The following TMEM132D variants were observed in gnomAD, a reference collection of about 807,000 sequenced individuals.
The protein encoded by TMEM132D is mature OL transmembrane protein.
In TMEM132D, 21 loss-of-function variants were observed where a neutral mutation model predicts 62.3. The ratio of observed to expected loss-of-function variants is 0.34; its 90% CI spans 0.24 to 0.49. The LOEUF (loss-of-function observed/expected upper bound fraction) is 0.49. Among genes scored for constraint, TMEM132D ranks in the 20% least tolerant of loss-of-function variants. The pLI is 0.99. For missense variants in TMEM132D, 1,346 were observed against 1,402.8 expected (o/e 0.96, Z 0.65); for synonymous variants, 621 against 575.6 (o/e 1.08, Z -1.13).
intron 3 of TMEM132D, among the ~76,000 whole-genome samples, chr12:129,506,234 CTCACCATTTGTTTG>C (rs1196813623): frequency 6.6e-6 from 1 of 152,164 alleles, no homozygotes; most frequent in African/African-American, 2.4e-5. Flanking sequence ...AGCAAATTCT[CTCACCATTTGTTTG>C]TCTAGAATCA....
At chr12:129,101,292 C>T (rs1045373006) in intron 5 of TMEM132D, among the ~76,000 whole-genome samples, 1 of 152,184 alleles carries the variant, frequency 6.6e-6, no homozygotes, top group South Asian at 2.1e-4. Flanking sequence ...GTCGATTTGC[C>T]AATTCCTGTA....
chr12:129,107,216 A>C (rs1875529334), intron 5 of TMEM132D, among the ~76,000 whole-genome samples: 1 of 152,216 alleles, frequency 6.6e-6, no homozygotes, highest in South Asian at 2.1e-4. Flanking sequence ...AAAGTTTCTG[A>C]AACCAGTGGT....
In TMEM132D at chr12:129,172,009, T is replaced by C. The variant is rs527817466; in HGVS notation, c.1443+37511A>G. On this transcript the variant is annotated intron_variant, in intron 5 of 8. Coordinates refer to ENST00000422113, the MANE Select transcript of TMEM132D (RefSeq NM_133448.3). ...GGCACTGACTTCTTCTCTCCAGCTA[T>C]GAAAGCACTAGATGACATCTTCTTT... Among the ~76,000 whole-genome samples the C allele has an allele frequency of 7.9e-5, 12 of 152,372 alleles. No individual in the cohort carries two copies. In the South Asian group the frequency reaches 1.2e-3, roughly 16 times the overall value.
chr12:129,158,087 T>C (rs1877296433), intron 5 of TMEM132D, among the ~76,000 whole-genome samples: 2 of 152,074 alleles, frequency 1.3e-5, no homozygotes, highest in African/African-American at 4.8e-5. Flanking sequence ...GGAGAGTGGT[T>C]TGGGAAGGGT....
chr12:129,509,491 T>C (rs574910193), intron 3 of TMEM132D, among the ~76,000 whole-genome samples: 15 of 152,148 alleles, frequency 9.9e-5, no homozygotes, highest in Non-Finnish European at 2.1e-4. Flanking sequence ...AATTATATTC[T>C]TTTAGTTATT....
chr12:129,119,518 G>A (rs1875995557), intron 5 of TMEM132D, among the ~76,000 whole-genome samples: 1 of 152,186 alleles, frequency 6.6e-6, no homozygotes, highest in Non-Finnish European at 1.5e-5. Context: ...AGGAAATGGT[G>A]TTTCTTGACC....
intron 5 of TMEM132D, among the ~76,000 whole-genome samples, chr12:129,103,324 T>C (rs556817800): frequency 1.3e-5 from 2 of 152,260 alleles, no homozygotes; most frequent in African/African-American, 4.8e-5. Context: ...GTTCACAGTG[T>C]CTCCAGCACT....
At chr12:129,880,636 G>T (rs1324441338) in intron 1 of TMEM132D, among the ~76,000 whole-genome samples, 1 of 152,140 alleles carries the variant, frequency 6.6e-6, no homozygotes, top group Admixed American at 6.6e-5. Context: ...CACCACACGC[G>T]AAGTAGTAAT....
chr12:129,623,756 TAC>T (rs1286960002), intron 2 of TMEM132D, among the ~76,000 whole-genome samples: 1 of 147,922 alleles, frequency 6.8e-6, no homozygotes, highest in South Asian at 2.1e-4. Context: ...CACATATATA[TAC>T]ACACATATAT....
intron 5 of TMEM132D, among the ~76,000 whole-genome samples, chr12:129,141,764 G>C (rs977815618): frequency 2.0e-5 from 3 of 152,072 alleles, no homozygotes; most frequent in African/African-American, 4.8e-5. Flanking sequence ...GGGAATGCTA[G>C]AGCAGGGAGG....
At chr12:129,861,630 G>A (rs1325008025) in intron 1 of TMEM132D, among the ~76,000 whole-genome samples, 1 of 151,932 alleles carries the variant, frequency 6.6e-6, no homozygotes, top group Non-Finnish European at 1.5e-5. Flanking sequence ...TCATGGTGGT[G>A]CACTCCTGTA....
chr12:129,780,341 G>GA (rs201832697), intron 1 of TMEM132D, among the ~76,000 whole-genome samples: 3,608 of 17,274 alleles, frequency 0.21, 113 homozygotes, highest in South Asian at 0.38. Context: ...TGGTGGGGAG[G>GA]GGGGGGGCCG....
intron 4 of TMEM132D, among the ~76,000 whole-genome samples, chr12:129,309,862 A>C (rs186568819): frequency 6.6e-6 from 1 of 152,182 alleles, no homozygotes; most frequent in East Asian, 1.9e-4. Flanking sequence ...AAAAACTATA[A>C]GAAAATAGAT....
At chr12:129,115,665 A>C (rs556452809) in intron 5 of TMEM132D, among the ~76,000 whole-genome samples, 4 of 152,368 alleles carry the variant, frequency 2.6e-5, no homozygotes, top group Admixed American at 2.0e-4. Context: ...CTAGGTGGAC[A>C]CTGGGATCCC....
At chr12:129,341,850 T>C (rs908814747) in intron 3 of TMEM132D, among the ~76,000 whole-genome samples, 2 of 152,102 alleles carry the variant, frequency 1.3e-5, no homozygotes, top group African/African-American at 2.4e-5. Context: ...ATAAAATACC[T>C]AGGAATCCAA....
At chr12:129,696,072 T>C (rs1167102642) in intron 2 of TMEM132D, among the ~76,000 whole-genome samples, 2 of 152,216 alleles carry the variant, frequency 1.3e-5, no homozygotes, top group Non-Finnish European at 2.9e-5. Flanking sequence ...TCAAGTGAAT[T>C]AAGCTCACAG....
At chr12:129,291,866 G>A (rs1315137317) in intron 4 of TMEM132D, among the ~76,000 whole-genome samples, 2 of 152,084 alleles carry the variant, frequency 1.3e-5, no homozygotes, top group African/African-American at 2.4e-5. Flanking sequence ...GAAGGTCAAA[G>A]CCAACATCAC....
intron 4 of TMEM132D, among the ~76,000 whole-genome samples, chr12:129,241,235 T>C (rs1375715234): frequency 6.8e-6 from 1 of 146,264 alleles, no homozygotes; most frequent in African/African-American, 2.6e-5. Flanking sequence ...ATCCATAGAA[T>C]GGGAGAAAAA....
chr12:129,416,943 G>T (rs185844787), intron 3 of TMEM132D, among the ~76,000 whole-genome samples: 82 of 152,268 alleles, frequency 5.4e-4, no homozygotes, highest in African/African-American at 1.8e-3. Context: ...GATTCAGTTT[G>T]CCAGTATTTT....
Sources: gnomAD v4.1 joint callset for allele counts (sites outside exome capture counted in the v4.1 genomes callset) on GRCh38, gnomAD v4.1.1 for gene constraint, MANE v1.5 for transcripts, NCBI Gene and HGNC (gene_info 2026-07-23, HGNC 2026-07-21) for gene names.